The following CRPPA variants were observed in gnomAD, a reference collection of about 807,000 sequenced individuals.
The protein encoded by CRPPA is CDP-L-ribitol pyrophosphorylase A, also known as D-ribitol-5-phosphate cytidylyltransferase.
CRPPA carries 43 observed loss-of-function variants against 52.0 expected under a neutral mutation model. The ratio of observed to expected loss-of-function variants is 0.83; its 90% CI spans 0.65 to 1.07. The LOEUF is 1.07. CRPPA is among the 50% of genes least tolerant of loss of function. CRPPA has a pLI of 0.00. For synonymous variants in CRPPA, 250 were observed against 203.5 expected, an observed-to-expected ratio of 1.23 and a Z score of -1.94; for missense variants, 629 against 551.7, an observed-to-expected ratio of 1.14 and a Z score of -1.40.
At chr7:16,156,036 A>T (rs1783172739) in intron 9 of CRPPA, among the ~76,000 whole-genome samples, 1 of 151,472 alleles carries the variant, frequency 6.6e-6, no homozygotes, top group South Asian at 2.1e-4. Context: ...TTTCATGAGG[A>T]CTACATCTTT....
In CRPPA at chr7:16,368,532, G is replaced by C. The variant is rs567660447; in HGVS notation, c.684+7560C>G. On this transcript the variant is annotated intron_variant, in intron 3 of 9. Transcript: ENST00000407010. The stretch of plus-strand genomic sequence containing the variant: ...CAGACATTGGCACTAGTAGCATTTT[G>C]GTTTTCACAAGTGCCATCAACCTTT... Among the ~76,000 whole-genome samples, 147 of 152,198 alleles carry C rather than the reference G, an allele frequency of 9.7e-4. 1 individual carries two copies. The highest frequency in any genetic ancestry group is 3.4e-3 in the Middle Eastern group (1 of 294).
At chr7:16,397,516 ATG>A (rs1293367736) in intron 2 of CRPPA, among the ~76,000 whole-genome samples, 3 of 151,818 alleles carry the variant, frequency 2.0e-5, no homozygotes, top group Admixed American at 6.5e-5. Flanking sequence ...ACATGTGAAC[ATG>A]TGACATGATC....
At chr7:16,295,348 T>C (rs1178054067) in intron 5 of CRPPA, among the ~76,000 whole-genome samples, 1 of 151,960 alleles carries the variant, frequency 6.6e-6, no homozygotes, top group Admixed American at 6.6e-5. Context: ...ACATAATAAC[T>C]GGAAAAAAGA....
chr7:16,287,249 G>A (rs1784470429), intron 5 of CRPPA, among the ~76,000 whole-genome samples: 2 of 152,142 alleles, frequency 1.3e-5, no homozygotes, highest in African/African-American at 4.8e-5. Flanking sequence ...TTAGCATCCT[G>A]AAAGATTTTT....
chr7:16,200,947 A>C (rs1331443130), intron 9 of CRPPA, among the ~76,000 whole-genome samples: 3 of 152,184 alleles, frequency 2.0e-5, no homozygotes, highest in Non-Finnish European at 2.9e-5. Context: ...ATTCTTGTTC[A>C]TTTATGTTAT....
rs924533668 is a variant in CRPPA at position 16,138,456 on chromosome 7, T to G, written c.1252-46657A>C. ...AATATTTTAGAATCATTTAAAAGCT[T>G]TTAAGTGAACATGAGAGGATATCCA... On this transcript the variant is annotated intron_variant, in intron 9 of 9. Coordinates refer to ENST00000407010, the MANE Select transcript of CRPPA (RefSeq NM_001101426.4). Among the ~76,000 whole-genome samples, 14 of 152,246 alleles carry G rather than the reference T, an allele frequency of 9.2e-5. No individual in the cohort carries two copies. The East Asian group carries it at 1.7e-3, about 19-fold the overall frequency.
At chr7:16,182,720 TC>T (rs377317338) in intron 9 of CRPPA, among the ~76,000 whole-genome samples, 38 of 152,204 alleles carry the variant, frequency 2.5e-4, no homozygotes, top group African/African-American at 9.2e-4. Flanking sequence ...GAGGCACTGC[TC>T]CCCCACAGCA....
At chr7:16,239,137 C>CTAAAAAAAAA (rs1783032259) in intron 8 of CRPPA, among the ~76,000 whole-genome samples, 1 of 88,526 alleles carries the variant, frequency 1.1e-5, no homozygotes, top group Non-Finnish European at 2.2e-5. Context: ...GACTCTGTCT[C>CTAAAAAAAAA]AAAAAAAAAA....
At chr7:16,247,423 G>A (rs1554297923) in intron 8 of CRPPA, among the ~76,000 whole-genome samples, 1 of 152,148 alleles carries the variant, frequency 6.6e-6, no homozygotes, top group Non-Finnish European at 1.5e-5. Flanking sequence ...GGAGAGAGAT[G>A]AGGAAAACAG....
At chr7:16,302,184 T>C (rs2128423118) in intron 4 of CRPPA, among the ~76,000 whole-genome samples, 1 of 150,820 alleles carries the variant, frequency 6.6e-6, no homozygotes. Context: ...TAGTCCCAGC[T>C]ACTCGGGAGG....
At position 16,168,466 on chromosome 7, in the gene CRPPA, G is replaced by C. The variant is rs974772390; in HGVS notation, c.1251+47600C>G. Among the ~76,000 whole-genome samples the C allele has an allele frequency of 2.0e-5, 3 of 151,708 alleles. No homozygotes were observed. In the East Asian group the frequency reaches 5.8e-4, roughly 29 times the overall value. On this transcript the variant is annotated intron_variant, in intron 9 of 9. Coordinates refer to ENST00000407010, the MANE Select transcript of CRPPA (RefSeq NM_001101426.4). ...GTCCATATTTTCATACCTAGCATCA[G>C]TGTTTTCAGTCTAATTAAGTCTGAA...
In CRPPA at chr7:16,088,186, A is replaced by G. The variant is rs866949565; in HGVS notation, c.*3509T>C. ...ACTCACGCTATGATGAACTCCTAAGACGACTAACTTTAATTTGCATTTAAC... is the reference window on the plus strand; with the variant it reads ...ACTCACGCTATGATGAACTCCTAAGGCGACTAACTTTAATTTGCATTTAAC... On this transcript the variant is annotated 3_prime_UTR_variant, in exon 10 of 10. Transcript: ENST00000407010. The G allele has an allele frequency of 9.2e-5, 14 of 152,198 alleles. No homozygotes were observed. Among genetic ancestry groups the G allele is most frequent in the African/African-American group, 3.4e-4 (14 of 41,452 alleles). 9.4% of individuals were successfully genotyped at this position (152,198 alleles called of 1,614,324 possible). A position where few individuals can be genotyped will look rare whatever the true frequency, so the allele number is the denominator to read the frequency against.
intron 9 of CRPPA, among the ~76,000 whole-genome samples, chr7:16,160,756 G>T (rs535573891): frequency 2.6e-5 from 4 of 152,184 alleles, no homozygotes; most frequent in Non-Finnish European, 4.4e-5. Context: ...ACTTTGCGCA[G>T]TATGGCCATT....
intron 2 of CRPPA, among the ~76,000 whole-genome samples, chr7:16,390,313 C>T (rs1787409721): frequency 6.6e-6 from 1 of 152,050 alleles, no homozygotes; most frequent in African/African-American, 2.4e-5. Flanking sequence ...TAACAAGTTT[C>T]TTCACACAAG....
intron 3 of CRPPA, among the ~76,000 whole-genome samples, chr7:16,336,232 T>C (rs1472810582): frequency 1.3e-5 from 2 of 152,144 alleles, no homozygotes; most frequent in Admixed American, 6.5e-5. Context: ...GTAAGGGTAA[T>C]GTATAAACCA....
chr7:16,377,742 T>C lies in CRPPA; in HGVS notation c.535-1501A>G, dbSNP rs187033844. Among the ~76,000 whole-genome samples the C allele has an allele frequency of 1.2e-4, 19 of 152,240 alleles. No homozygotes were observed. The East Asian group carries it at 3.5e-3, about 28-fold the overall frequency. ...TAATGGATGCTCTACTCAGAGTAGG[T>C]ATGGCTAAAAAGATACGGCCCCCTC... On this transcript the variant is annotated intron_variant, in intron 2 of 9. Transcript: ENST00000407010.
intron 3 of CRPPA, among the ~76,000 whole-genome samples, chr7:16,313,080 A>G (rs1014517827): frequency 6.6e-5 from 10 of 151,980 alleles, no homozygotes; most frequent in African/African-American, 2.4e-4. Context: ...TAATTCTAGC[A>G]TCACAGAATG....
chr7:16,178,216 T>A (rs1158462332), intron 9 of CRPPA, among the ~76,000 whole-genome samples: 9 of 152,194 alleles, frequency 5.9e-5, no homozygotes, highest in African/African-American at 1.2e-4. Flanking sequence ...TGGCCCTAGC[T>A]CAGTCAGATG....
chr7:16,401,312 A>C (rs192251298), intron 2 of CRPPA, among the ~76,000 whole-genome samples: 1 of 152,206 alleles, frequency 6.6e-6, no homozygotes, highest in East Asian at 1.9e-4. Context: ...TTTATTATTC[A>C]ACAGACTGAA....
Sources: gnomAD v4.1 joint callset for allele counts (sites outside exome capture counted in the v4.1 genomes callset) on GRCh38, gnomAD v4.1.1 for gene constraint, MANE v1.5 for transcripts, NCBI Gene and HGNC (gene_info 2026-07-23, HGNC 2026-07-21) for gene names.